The following SPAG9 variants were observed in gnomAD, a reference collection of about 807,000 sequenced individuals.
The protein encoded by SPAG9 is C-Jun-amino-terminal kinase-interacting protein 4.
A neutral mutation model predicts 166.5 loss-of-function variants in SPAG9; 35 were observed. The ratio of observed to expected loss-of-function variants is 0.21; its 90% CI spans 0.16 to 0.28. SPAG9 has a LOEUF of 0.28. Among genes scored for constraint, SPAG9 ranks in the 10% least tolerant of loss-of-function variants. The probability of loss-of-function intolerance (pLI) is 1.00; values close to 1 mark genes in which losing one functional copy is unlikely to be tolerated. For missense variants in SPAG9, 1,235 were observed against 1,603.3 expected, an observed-to-expected ratio of 0.77 and a Z score of 3.92; for synonymous variants, 534 against 565.5, an observed-to-expected ratio of 0.94 and a Z score of 0.79.
chr17:51,111,148 G>C (rs1044697665), intron 1 of SPAG9, among the ~76,000 whole-genome samples: 1 of 151,872 alleles, frequency 6.6e-6, no homozygotes, highest in Non-Finnish European at 1.5e-5. Flanking sequence ...ACAGTGCTAT[G>C]TTCAAAGCAA....
intron 28 of SPAG9, among the ~76,000 whole-genome samples, chr17:50,971,711 C>T (rs532079379): frequency 1.3e-5 from 2 of 152,100 alleles, no homozygotes; most frequent in South Asian, 2.1e-4. Context: ...CTGCCTGCCT[C>T]GGCCTCCCAA....
chr17:51,091,747 T>C (rs1217765544), intron 1 of SPAG9, among the ~76,000 whole-genome samples: 1 of 151,550 alleles, frequency 6.6e-6, no homozygotes, highest in East Asian at 1.9e-4. Context: ...TCCCTTTCAA[T>C]AACTAATAGG....
intron 9 of SPAG9, chr17:51,007,734 T>C (rs2045286336): frequency 2.5e-6 from 1 of 397,704 alleles, no homozygotes; most frequent in Non-Finnish European, 4.9e-6. Context: ...CTAAATCACA[T>C]CTGACCTCGT....
chr17:51,053,872 T>A (rs1420894260), intron 3 of SPAG9, among the ~76,000 whole-genome samples: 10 of 96,048 alleles, frequency 1.0e-4, no homozygotes, highest in African/African-American at 5.0e-4. Flanking sequence ...TATATATATA[T>A]ATATATATAT....
intron 12 of SPAG9, among the ~76,000 whole-genome samples, chr17:51,003,977 CTATT>C (rs994267257): frequency 2.0e-5 from 3 of 152,158 alleles, no homozygotes; most frequent in South Asian, 4.1e-4. Flanking sequence ...TAAATTGTGA[CTATT>C]CATTCAATGG....
At chr17:51,009,146 C>T (rs1462927682) in intron 9 of SPAG9, 9 of 452,852 alleles carry the variant, frequency 2.0e-5, no homozygotes, top group African/African-American at 6.0e-5. Flanking sequence ...TATTCCCCTA[C>T]GTAAGCAGCC....
chr17:51,082,376 T>TC (rs1194983126), intron 1 of SPAG9, among the ~76,000 whole-genome samples: 1 of 47,410 alleles, frequency 2.1e-5, no homozygotes, highest in East Asian at 6.0e-4. Context: ...CAAGACTGTC[T>TC]CAAAAAAAAA....
chr17:51,045,711 A>C (rs1242645628), intron 4 of SPAG9, among the ~76,000 whole-genome samples: 1 of 152,208 alleles, frequency 6.6e-6, no homozygotes. Context: ...TTTAGAAAAC[A>C]AAAGAAACCA....
At chr17:50,987,943 C>T (rs572410572) in intron 21 of SPAG9, among the ~76,000 whole-genome samples, 4 of 152,286 alleles carry the variant, frequency 2.6e-5, no homozygotes, top group Admixed American at 1.3e-4. Flanking sequence ...AGGCCAGGTG[C>T]GGTGGCTCAC....
At chr17:51,041,745 T>C (rs916584782) in intron 4 of SPAG9, 94 bp from the exon 5 acceptor site, 19 of 1,140,016 alleles carry the variant, frequency 1.7e-5, no homozygotes, top group Non-Finnish European at 2.3e-5. Context: ...GCCACTGTTT[T>C]ACAACCATCA....
rs201334137 is a variant in SPAG9, at chr17:50,964,928, G to GTT, written c.*1342_*1343dup. 215 of 167,666 alleles carry GTT rather than the reference G, an allele frequency of 1.3e-3. No individual in the cohort carries two copies. The highest frequency in any genetic ancestry group is 5.5e-3 in the Middle Eastern group (2 of 362). The allele number at this position is 167,666 out of a possible 1,614,324, so 10.4% of individuals were successfully genotyped here. The stretch of plus-strand genomic sequence containing the variant: ...CCACCACACCCGGTTAATTTATTTT[G>GTT]TTTTTTTTTTTTGGTAGAGACAGGG... On this transcript the variant is annotated 3_prime_UTR_variant, in exon 30 of 30. Coordinates refer to ENST00000262013, the MANE Select transcript of SPAG9 (RefSeq NM_001130528.3).
intron 10 of SPAG9, 42 bp from the exon 11 acceptor site, chr17:51,006,279 T>C (rs1286786190): frequency 6.3e-7 from 1 of 1,585,912 alleles, no homozygotes; most frequent in Non-Finnish European, 8.6e-7. Context: ...CAAATAAATA[T>C]TCTTTCCATC....
intron 2 of SPAG9, among the ~76,000 whole-genome samples, chr17:51,079,342 G>T (rs1429564419): frequency 6.6e-6 from 1 of 151,892 alleles, no homozygotes; most frequent in Non-Finnish European, 1.5e-5. Context: ...GGATTCAAAT[G>T]GTTCTCGTGC....
intron 8 of SPAG9, among the ~76,000 whole-genome samples, chr17:51,016,896 G>A (rs138041888): frequency 9.8e-5 from 15 of 152,308 alleles, no homozygotes; most frequent in Non-Finnish European, 1.8e-4. Context: ...GCGAGACTCC[G>A]TCTCGGAGGA....
At chr17:50,970,644 T>G in intron 29 of SPAG9, 63 bp downstream of exon 29, 1 of 1,438,912 alleles carries the variant, frequency 6.9e-7, no homozygotes, top group East Asian at 2.3e-5. Context: ...TCTTATTTAC[T>G]TTGGGACAAA....
chr17:50,976,199 C>T (rs1263725862), intron 27 of SPAG9, among the ~76,000 whole-genome samples: 4 of 151,912 alleles, frequency 2.6e-5, no homozygotes, highest in Non-Finnish European at 5.9e-5. Context: ...TGCAGCATTT[C>T]CTAAATGCTA....
At chr17:51,009,675 A>T (rs9904935) in intron 9 of SPAG9, among the ~76,000 whole-genome samples, 1 of 152,068 alleles carries the variant, frequency 6.6e-6, no homozygotes. Context: ...TAAAATTATC[A>T]TTAAAAGATT....
Position 51,120,071 on chromosome 17 carries a change from G to A in SPAG9, c.303+283C>T, listed in dbSNP as rs76262455. On this transcript the variant is annotated intron_variant, in intron 1 of 29. Transcript: ENST00000262013. This position sits in a 1 kb window ranked among gnomAD's most constrained non-coding sequence, Gnocchi z 4.7. ...CAGACACCCAACAATCTCCGCCCTT[G>A]GCCAACCCCAGGTGTCCTCAGGCCA... Among the ~76,000 whole-genome samples, 7,720 of 152,236 alleles carry A rather than the reference G, an allele frequency of 0.051. 658 individuals carry two copies. The highest frequency in any genetic ancestry group is 0.18 in the African/African-American group (7,321 of 41,516).
At chr17:50,970,584 T>A in intron 29 of SPAG9, 123 bp downstream of exon 29, 1 of 705,456 alleles carries the variant, frequency 1.4e-6, no homozygotes, top group Non-Finnish European at 2.2e-6. Context: ...AATCCTTTCG[T>A]GTGTAAAGAG....
Sources: allele counts gnomAD v4.1 joint callset (sites outside exome capture counted in the v4.1 genomes callset), GRCh38; gene constraint gnomAD v4.1.1; non-coding constraint Gnocchi (gnomAD v3.1); transcripts MANE v1.5; gene names NCBI Gene and HGNC (gene_info 2026-07-23, HGNC 2026-07-21).